CFAP77: variants seen among roughly 807,000 people sequenced by gnomAD.
CFAP77 encodes the protein cilia- and flagella-associated protein 77.
In CFAP77, 25 loss-of-function variants were observed where a neutral mutation model predicts 31.1. That is an observed-to-expected ratio of 0.80 (90% CI 0.59 to 1.12). The LOEUF (loss-of-function observed/expected upper bound fraction) is 1.12, where lower values mean the gene tolerates loss of function less well. Ranked by LOEUF, CFAP77 falls within the 50% of genes most tolerant of loss-of-function variation. The pLI is 0.00. For synonymous variants in CFAP77, 151 were observed against 159.9 expected, an observed-to-expected ratio of 0.94 and a Z score of 0.42; for missense variants, 377 against 397.3, an observed-to-expected ratio of 0.95 and a Z score of 0.44.
rs1851432729 is a variant in CFAP77 at position 132,480,875 on chromosome 9, T to C, written c.196-17820T>C. Among the ~76,000 whole-genome samples the C allele has an allele frequency of 6.6e-6, 1 of 151,974 alleles. No homozygotes were observed. The highest frequency in any genetic ancestry group is 1.5e-5 in the Non-Finnish European group (1 of 68,002). On this transcript the variant is annotated intron_variant, in intron 1 of 5. Coordinates refer to ENST00000393216, the MANE Select transcript of CFAP77 (RefSeq NM_001282957.2). This position sits in a 1 kb window ranked among gnomAD's most constrained non-coding sequence, Gnocchi z 5.8. ...GGACGGTGAGCGAGAGGGCATAAGA[T>C]GAGGCCAAGGCTAGGAGCAGAGGTG... is the stretch of plus-strand genomic sequence containing the variant.
At chr9:132,546,263 G>A (rs1218102418) in intron 5 of CFAP77, among the ~76,000 whole-genome samples, 2 of 152,280 alleles carry the variant, frequency 1.3e-5, no homozygotes, top group Middle Eastern at 6.8e-3. Flanking sequence ...TCAGGGGTCC[G>A]GGCGGGTGGC....
At chr9:132,486,016 A>ATATATATATATATATGTATG (rs1564222944) in intron 1 of CFAP77, among the ~76,000 whole-genome samples, 19 of 16,328 alleles carry the variant, frequency 1.2e-3, no homozygotes, top group Non-Finnish European at 1.5e-3. Context: ...ATATATATAT[A>ATATATATATATATATGTATG]TATATATATA....
At chr9:132,450,226 G>A (rs956348965) in intron 1 of CFAP77, among the ~76,000 whole-genome samples, 8 of 151,910 alleles carry the variant, frequency 5.3e-5, no homozygotes, top group East Asian at 3.9e-4. Context: ...CACCACGCCC[G>A]GCCGATTAAG....
chr9:132,410,881 G>C (rs1404204220), intron 1 of CFAP77, among the ~76,000 whole-genome samples: 1 of 152,208 alleles, frequency 6.6e-6, no homozygotes, highest in African/African-American at 2.4e-5. Context: ...CGCCTCTCCG[G>C]TTCCGCTGCA....
intron 3 of CFAP77, among the ~76,000 whole-genome samples, chr9:132,522,152 C>T (rs1589904720): frequency 6.6e-6 from 1 of 152,152 alleles, no homozygotes; most frequent in East Asian, 1.9e-4. Flanking sequence ...GGACAAAGGA[C>T]GGTGTCTGGG....
chr9:132,488,660 T>C (rs1374697879), intron 1 of CFAP77, among the ~76,000 whole-genome samples: 13 of 152,210 alleles, frequency 8.5e-5, no homozygotes. Context: ...TGGGAAATGC[T>C]ACCTGCACCT....
At chr9:132,474,370 G>A (rs529799132) in intron 1 of CFAP77, among the ~76,000 whole-genome samples, 24 of 152,222 alleles carry the variant, frequency 1.6e-4, no homozygotes, top group Non-Finnish European at 3.2e-4. Flanking sequence ...ACCCAAACAC[G>A]TAATTATAAA....
chr9:132,418,716 T>C (rs1262998279), intron 1 of CFAP77, among the ~76,000 whole-genome samples: 2 of 152,216 alleles, frequency 1.3e-5, no homozygotes, highest in African/African-American at 4.8e-5. Flanking sequence ...ACAGTGTGGC[T>C]CAATAATTCA....
chr9:132,475,498 G>A (rs1027148823), intron 1 of CFAP77, among the ~76,000 whole-genome samples: 4 of 152,190 alleles, frequency 2.6e-5, no homozygotes, highest in Non-Finnish European at 2.9e-5. Flanking sequence ...GGACTGAGCC[G>A]ATAATCGTCT....
chr9:132,445,166 G>A (rs571455327), intron 1 of CFAP77, among the ~76,000 whole-genome samples: 36 of 151,876 alleles, frequency 2.4e-4, no homozygotes, highest in Non-Finnish European at 4.0e-4. Context: ...TAGACACAGG[G>A]TTTTGCCATG....
At chr9:132,530,295 G>A (rs576207085) in intron 3 of CFAP77, among the ~76,000 whole-genome samples, 29 of 146,510 alleles carry the variant, frequency 2.0e-4, no homozygotes, top group Admixed American at 4.7e-4. Context: ...TTTTTGAGAC[G>A]GAGTCTCTCT....
intron 3 of CFAP77, among the ~76,000 whole-genome samples, chr9:132,535,685 C>T (rs948003055): frequency 2.6e-5 from 4 of 151,764 alleles, no homozygotes; most frequent in Non-Finnish European, 5.9e-5. Context: ...GCACTCCAGA[C>T]TGGGTGGCAG....
At position 132,497,115 on chromosome 9, in the gene CFAP77, G is replaced by C. The variant is rs763931645; in HGVS notation, c.196-1580G>C. ...GGGATGCCTGCGATCCTTCAGATGA[G>C]GGGGAGTGGGTTTGTCTATCTCAAC... is the stretch of plus-strand genomic sequence containing the variant. On this transcript the variant is annotated intron_variant, in intron 1 of 5. Coordinates refer to ENST00000393216, the MANE Select transcript of CFAP77 (RefSeq NM_001282957.2). The surrounding 1 kb of genome is among the most constrained non-coding windows in gnomAD (Gnocchi z 4.9). Among the ~76,000 whole-genome samples, 10 of 152,104 alleles carry C rather than the reference G, an allele frequency of 6.6e-5. No individual in the cohort carries two copies. Among genetic ancestry groups the C allele is most frequent in the South Asian group, 2.1e-4 (1 of 4,818 alleles).
chr9:132,433,885 G>A (rs901934201), intron 1 of CFAP77, among the ~76,000 whole-genome samples: 1 of 150,260 alleles, frequency 6.7e-6, no homozygotes, highest in Non-Finnish European at 1.5e-5. Flanking sequence ...TTGGTCAGGC[G>A]CTCATGCCTG....
chr9:132,558,951 T>C (rs1449819885), intron 5 of CFAP77, among the ~76,000 whole-genome samples: 2 of 151,866 alleles, frequency 1.3e-5, no homozygotes, highest in Non-Finnish European at 2.9e-5. Flanking sequence ...GAGGCAGAGG[T>C]TGCAGTGAGC....
At chr9:132,445,028 C>A (rs1432721944) in intron 1 of CFAP77, among the ~76,000 whole-genome samples, 1 of 148,994 alleles carries the variant, frequency 6.7e-6, no homozygotes, top group East Asian at 2.0e-4. Flanking sequence ...GGCTGGAGTG[C>A]AGTGGTGCAA....
chr9:132,484,856 T>TTTTTTTTTTTTAGATGG (rs1851511383), intron 1 of CFAP77, among the ~76,000 whole-genome samples: 1 of 151,614 alleles, frequency 6.6e-6, no homozygotes, highest in African/African-American at 2.4e-5. Flanking sequence ...TTCTTTCTTT[T>TTTTTTTTTTTTAGATGG]TTTTTTTTTT....
At chr9:132,510,104 C>T (rs1381148590) in intron 3 of CFAP77, among the ~76,000 whole-genome samples, 1 of 152,164 alleles carries the variant, frequency 6.6e-6, no homozygotes, top group Non-Finnish European at 1.5e-5. Flanking sequence ...CACTGATGGG[C>T]CCGTAATGGA....
Position 132,486,092 on chromosome 9 carries a change from T to A in CFAP77, c.196-12603T>A, listed in dbSNP as rs868382151. ...TATATATATATATATATATATATATTTTTTTTTTTTTTTTTTTTGAGACGG... is the reference window on the plus strand; with the variant it reads ...TATATATATATATATATATATATATATTTTTTTTTTTTTTTTTTGAGACGG... On this transcript the variant is annotated intron_variant, in intron 1 of 5. Coordinates refer to ENST00000393216, the MANE Select transcript of CFAP77 (RefSeq NM_001282957.2). Among the ~76,000 whole-genome samples, 280 of 50,616 alleles carry A rather than the reference T, an allele frequency of 5.5e-3. 4 individuals are homozygous for A. The highest frequency in any genetic ancestry group is 7.7e-3 in the Middle Eastern group (1 of 130). The allele number at this position is 50,616 out of a possible 152,430, so 33.2% of individuals were successfully genotyped here. A position where few individuals can be genotyped will look rare whatever the true frequency, so the allele number is the denominator to read the frequency against.
Sources: allele counts gnomAD v4.1 joint callset (sites outside exome capture counted in the v4.1 genomes callset), GRCh38; gene constraint gnomAD v4.1.1; non-coding constraint Gnocchi (gnomAD v3.1); transcripts MANE v1.5; gene names NCBI Gene and HGNC (gene_info 2026-07-23, HGNC 2026-07-21).